SETD1B: variants seen among roughly 807,000 people sequenced by gnomAD.
The protein encoded by SETD1B is histone-lysine N-methyltransferase SETD1B.
SETD1B carries 7 observed loss-of-function variants against 148.0 expected under a neutral mutation model. The observed-to-expected ratio is 0.05, with a 90% CI of 0.03 to 0.09. The LOEUF (loss-of-function observed/expected upper bound fraction) is 0.09. Ranked by LOEUF, SETD1B falls within the 10% of genes least tolerant of loss-of-function variation. SETD1B has a pLI of 1.00. For missense variants in SETD1B, 2,155 were observed against 2,729.9 expected (o/e 0.79, Z 4.69); for synonymous variants, 1,361 against 1,186.5 (o/e 1.15, Z -3.02).
At chr12:121,792,352 G>A in the SETD1B span, among the ~76,000 whole-genome samples, 1 of 152,240 alleles carries the variant, frequency 6.6e-6, no homozygotes, top group African/African-American at 2.4e-5. Flanking sequence ...ATGAAGCCCA[G>A]ATGGGAGTCA....
the SETD1B span, chr12:121,793,041 C>T: frequency 1.1e-6 from 1 of 948,726 alleles, no homozygotes. Flanking sequence ...GAAGAGCCGG[C>T]CAAGGCCCTG....
the SETD1B span, chr12:121,793,975 C>A: frequency 4.4e-6 from 1 of 226,420 alleles, no homozygotes; most frequent in Non-Finnish European, 8.5e-6. Flanking sequence ...CCAGGTGCCC[C>A]TGATTAGCAG....
At chr12:121,809,573 C>G (rs1479128039) in intron 5 of SETD1B, 30 bp from the exon 6 acceptor site, 1 of 1,510,922 alleles carries the variant, frequency 6.6e-7, no homozygotes, top group South Asian at 1.3e-5. Flanking sequence ...TGTTTTCCCC[C>G]AGTGGTCTGA....
rs764425007 is a variant in SETD1B, at chr12:121,810,632, C to T, written c.1687C>T (p.Arg563Cys). ...GFRGPTPPSSRPSSTGLEDIS... is the reference protein window; with the variant it reads ...GFRGPTPPSSCPSSTGLEDIS... The stretch of plus-strand genomic sequence containing the variant: ...CCGGGGCCCCACGCCCCCCTCGTCA[C>T]GCCCCTCCAGCACCGGCCTGGAGGA... Residue 563 changes from arginine (R) to cysteine (C), a missense_variant, in exon 6 of 17, where the codon CGC (arginine) becomes TGC (cysteine). Physicochemically the swap from Arg to Cys is radical, Grantham distance 180. Around this residue, in one of 11 missense-constraint regions of SETD1B, gnomAD observed 295 missense variants for 303.8 expected, o/e 0.97. Transcript: ENST00000604567. This position sits in a 1 kb window ranked among gnomAD's most constrained non-coding sequence, Gnocchi z 7.6. 16 of 1,548,540 alleles carry T rather than the reference C, an allele frequency of 1.0e-5. No individual in the cohort carries two copies. The highest frequency in any genetic ancestry group is 3.6e-5 in the South Asian group (3 of 83,994).
intron 11 of SETD1B, among the ~76,000 whole-genome samples, chr12:121,822,149 G>A (rs778355225): frequency 1.3e-5 from 2 of 152,182 alleles, no homozygotes; most frequent in Non-Finnish European, 2.9e-5. Context: ...ATCCTTGAAG[G>A]CTCCGACAAG....
chr12:121,817,911 A>C lies in SETD1B; in HGVS notation c.3418+7A>C, dbSNP rs745793029. ...GAAGGGGACTCGGATGAAGGTGAGC[A>C]GGGAGGCCGTGGCTGCCTGGCCCTC... is the stretch of plus-strand genomic sequence containing the variant. On this transcript the variant is annotated splice_region_variant and intron_variant, in intron 10 of 16. Transcript: ENST00000604567. This position sits in a 1 kb window ranked among gnomAD's most constrained non-coding sequence, Gnocchi z 8.1. The C allele has an allele frequency of 4.6e-5, 70 of 1,533,312 alleles. No homozygotes were observed. The highest frequency in any genetic ancestry group is 6.2e-5 in the Non-Finnish European group (70 of 1,137,382). 95.0% of individuals were successfully genotyped at this position (1,533,312 alleles called of 1,614,324 possible).
chr12:121,817,521 GTCCTCGTCCTCA>G lies in SETD1B; in HGVS notation c.3133_3144del (p.Ser1045_Ser1048del). The G allele has an allele frequency of 6.4e-7, 1 of 1,551,478 alleles. No individual in the cohort carries two copies. ...AGGACGAGAAGGAGTCATTGTCGGCGTCCTCGTCCTCATCCGCGTCATCATCCTCGGGGTCCT... is the reference window on the plus strand; with the variant it reads ...AGGACGAGAAGGAGTCATTGTCGGCGTCCGCGTCATCATCCTCGGGGTCCT... On this transcript the variant is annotated inframe_deletion, in exon 9 of 17. Coordinates refer to ENST00000604567, the MANE Select transcript of SETD1B (RefSeq NM_001353345.2). This position sits in a 1 kb window ranked among gnomAD's most constrained non-coding sequence, Gnocchi z 8.1.
Position 121,805,220 on chromosome 12 carries a change from G to A in SETD1B, c.273+4G>A. Reference sequence around the variant, plus strand: ...GCTGTCGGTGCCCAAATTCAAGGTAGGACCCCTCCCCACTGCCCCGCCGTC... The same window carrying A: ...GCTGTCGGTGCCCAAATTCAAGGTAAGACCCCTCCCCACTGCCCCGCCGTC... On this transcript the variant is annotated splice_donor_region_variant and intron_variant, in intron 3 of 16. Transcript: ENST00000604567. This position sits in a 1 kb window ranked among gnomAD's most constrained non-coding sequence, Gnocchi z 4.2. The A allele has an allele frequency of 4.5e-6, 7 of 1,549,268 alleles. No homozygotes were observed. Among genetic ancestry groups the A allele is most frequent in the Non-Finnish European group, 5.2e-6 (6 of 1,146,344 alleles).
chr12:121,798,262 C>A, the SETD1B span, among the ~76,000 whole-genome samples: 6 of 152,224 alleles, frequency 3.9e-5, no homozygotes, highest in African/African-American at 1.2e-4. Context: ...CATGGAACAG[C>A]CCCTGTGGAT....
chr12:121,828,518 G>T (rs1365027287), intron 16 of SETD1B, among the ~76,000 whole-genome samples: 1 of 152,230 alleles, frequency 6.6e-6, no homozygotes, highest in Non-Finnish European at 1.5e-5. Context: ...TGTGCCCAGT[G>T]CATCTGGGGA....
intron 6 of SETD1B, among the ~76,000 whole-genome samples, chr12:121,811,714 G>T (rs1876042413): frequency 6.6e-6 from 1 of 152,208 alleles, no homozygotes; most frequent in Non-Finnish European, 1.5e-5. Context: ...CGTCCCTGTG[G>T]GCGGAGGGGA....
chr12:121,822,826 G>A lies in SETD1B; in HGVS notation c.4247G>A (p.Ser1416Asn). ...SPFSYPAPSP[S>N]LSSGGLPRTP... ...TTCTCCTACCCAGCCCCGTCCCCTA[G>A]CTTGAGCAGTGGGGGCCTCCCTCGG... Residue 1416 changes from serine to asparagine, a missense_variant, in exon 12 of 17, where the codon AGC (serine) becomes AAC (asparagine). Coordinates refer to ENST00000604567, the MANE Select transcript of SETD1B (RefSeq NM_001353345.2). 6.7e-7 allele frequency: 1 copy of A among 1,497,722 alleles called. No homozygotes were observed. The highest frequency in any genetic ancestry group is 2.5e-5 in the East Asian group (1 of 40,358). The allele number at this position is 1,497,722 out of a possible 1,614,324, so 92.8% of individuals were successfully genotyped here.
chr12:121,822,155 A>T (rs1876592753), intron 11 of SETD1B, among the ~76,000 whole-genome samples: 1 of 152,258 alleles, frequency 6.6e-6, no homozygotes, highest in African/African-American at 2.4e-5. Context: ...GAAGGCTCCG[A>T]CAAGTCCTGC....
intron 7 of SETD1B, among the ~76,000 whole-genome samples, 171 bp downstream of exon 7, chr12:121,815,101 T>G (rs1431044466): frequency 6.6e-6 from 1 of 152,080 alleles, no homozygotes; most frequent in Non-Finnish European, 1.5e-5. Flanking sequence ...GTGCTCCACT[T>G]CAGCAGCCAC....
chr12:121,823,118 C>A lies in SETD1B; in HGVS notation c.4539C>A (p.Pro1513=). Residue 1513 remains proline, a synonymous_variant, in exon 12 of 17, where the codon CCC becomes CCA. Transcript: ENST00000604567. ...LLPAPLASCP[P]PMKRKPGRPR... ...CCGCCCCCCTGGCCTCTTGCCCTCC[C>A]CCAATGAAGAGGAAGCCGGGCCGGC... The A allele has an allele frequency of 6.5e-7, 1 of 1,535,268 alleles. No homozygotes were observed. Among genetic ancestry groups the A allele is most frequent in the Middle Eastern group, 1.7e-4 (1 of 5,952 alleles).
rs894130615 is a variant in SETD1B at position 121,823,421 on chromosome 12, C to T, written c.4842C>T (p.Pro1614=). 6.5e-7 allele frequency: 1 copy of T among 1,546,900 alleles called. No individual in the cohort carries two copies. The highest frequency in any genetic ancestry group is 8.7e-7 in the Non-Finnish European group (1 of 1,146,406). ...LPFKELDNQW[P]SEAIPPGPRG... Reference sequence around the variant, plus strand: ...TTAAGGAGCTAGACAACCAGTGGCCCTCCGAGGCCATTCCTCCGGGCCCCC... The same window carrying T: ...TTAAGGAGCTAGACAACCAGTGGCCTTCCGAGGCCATTCCTCCGGGCCCCC... Residue 1614 remains proline (P), a synonymous_variant, in exon 12 of 17, where the codon CCC becomes CCT. Coordinates refer to ENST00000604567, the MANE Select transcript of SETD1B (RefSeq NM_001353345.2).
In SETD1B at chr12:121,808,072, C is replaced by T; in HGVS notation, c.545-136C>T. The stretch of plus-strand genomic sequence containing the variant: ...AGCGAGGTGCAGAGGGGTGGGAACT[C>T]AGGGCCACACAGCCTCCCTAGGACT... On this transcript the variant is annotated intron_variant, in intron 4 of 16. Coordinates refer to ENST00000604567, the MANE Select transcript of SETD1B (RefSeq NM_001353345.2). This position sits in a 1 kb window ranked among gnomAD's most constrained non-coding sequence, Gnocchi z 5.3. 1 of 631,634 alleles carries T rather than the reference C, an allele frequency of 1.6e-6. No individual in the cohort carries two copies. Among genetic ancestry groups the T allele is most frequent in the South Asian group, 1.9e-5 (1 of 51,588 alleles). 39.1% of individuals were successfully genotyped at this position (631,634 alleles called of 1,614,324 possible).
chr12:121,820,017 A>C lies in SETD1B; in HGVS notation c.3910+122A>C. 3.6e-6 allele frequency: 3 copies of C among 838,418 alleles called. No individual in the cohort carries two copies. The South Asian group carries it at 5.1e-5, about 14-fold the overall frequency. The allele number at this position is 838,418 out of a possible 1,614,324, so 51.9% of individuals were successfully genotyped here. A position where few individuals can be genotyped will look rare whatever the true frequency, so the allele number is the denominator to read the frequency against. On this transcript the variant is annotated intron_variant, in intron 11 of 16. Coordinates refer to ENST00000604567, the MANE Select transcript of SETD1B (RefSeq NM_001353345.2). Reference sequence around the variant, plus strand: ...TCCCCAGCCTCAGTTTCCCGTGTAAAACGAGATCAGCCGGTTGTGCCTCCC... The same window carrying C: ...TCCCCAGCCTCAGTTTCCCGTGTAACACGAGATCAGCCGGTTGTGCCTCCC...
Position 121,819,703 on chromosome 12 carries a change from G to T in SETD1B, c.3718G>T (p.Ala1240Ser), listed in dbSNP as rs748856746. Residue 1240 changes from alanine to serine, a missense_variant, in exon 11 of 17, where the codon GCT becomes TCT. This residue lies in a region of SETD1B where 862 missense variants were observed against 873.8 expected (regional missense o/e 0.99). Transcript: ENST00000604567. ...AGAGGAGGTGGACATCGAGACTGAG[G>T]CTGTGGCCCCTGAGGAGCGGCCCTC... ...MEEEVDIETE[A>S]VAPEERPSML... 6.4e-6 allele frequency: 10 copies of T among 1,551,006 alleles called. No individual in the cohort carries two copies. The highest frequency in any genetic ancestry group is 3.9e-5 in the Admixed American group (2 of 50,980).
Sources: allele counts gnomAD v4.1 joint callset (sites outside exome capture counted in the v4.1 genomes callset), GRCh38; gene constraint gnomAD v4.1.1; regional missense constraint gnomAD v4.1.1; non-coding constraint Gnocchi (gnomAD v3.1); transcripts MANE v1.5; gene names NCBI Gene and HGNC (gene_info 2026-07-23, HGNC 2026-07-21).